Variants in ZC3H11A observed in about 807,000 individuals in gnomAD.
ZC3H11A encodes zinc finger CCCH-type containing 11A.
A neutral mutation model predicts 90.8 loss-of-function variants in ZC3H11A; 22 were observed. That is an observed-to-expected ratio of 0.24 (90% CI 0.17 to 0.35). The LOEUF (loss-of-function observed/expected upper bound fraction) is 0.35, where lower values mean the gene tolerates loss of function less well. ZC3H11A is among the 10% of genes least tolerant of loss of function. ZC3H11A has a pLI of 1.00. For synonymous variants in ZC3H11A, 294 were observed against 339.8 expected (o/e 0.87, Z 1.48); for missense variants, 701 against 964.9 (o/e 0.73, Z 3.62).
intron 12 of ZC3H11A, among the ~76,000 whole-genome samples, chr1:203,840,860 C>T (rs752917551): frequency 2.3e-4 from 35 of 152,090 alleles, no homozygotes; most frequent in Non-Finnish European, 3.1e-4. Flanking sequence ...TCTCAAACTC[C>T]TGACCTTAGG....
In ZC3H11A at chr1:203,799,850, C is replaced by T. The variant is rs1184225745; in HGVS notation, c.-1587-1725C>T. On this transcript the variant is annotated intron_variant, in intron 1 of 17. Transcript: ENST00000367210. ...CTTTGTTAGATCCTTGCTTTAAAAACAGTTTGGAAGACTTTTTTCCTCAAG... is the reference window on the plus strand; with the variant it reads ...CTTTGTTAGATCCTTGCTTTAAAAATAGTTTGGAAGACTTTTTTCCTCAAG... 2.6e-6 allele frequency: 4 copies of T among 1,528,708 alleles called. No individual in the cohort carries two copies. In the Admixed American group the frequency reaches 5.9e-5, roughly 22 times the overall value. The allele number at this position is 1,528,708 out of a possible 1,614,324, so 94.7% of individuals were successfully genotyped here. A position where few individuals can be genotyped will look rare whatever the true frequency, so the allele number is the denominator to read the frequency against.
intron 15 of ZC3H11A, 101 bp from the exon 16 acceptor site, chr1:203,850,414 T>A: frequency 6.8e-6 from 10 of 1,477,060 alleles, no homozygotes; most frequent in African/African-American, 1.4e-5. Context: ...TTATTTGTGG[T>A]ATTTCTAGTA....
chr1:203,824,651 G>A (rs1679901470), intron 4 of ZC3H11A, among the ~76,000 whole-genome samples: 1 of 151,950 alleles, frequency 6.6e-6, no homozygotes, highest in African/African-American at 2.4e-5. Flanking sequence ...GTAAACAAGT[G>A]TCCTTTTCAT....
chr1:203,800,218 C>G, intron 1 of ZC3H11A: 1 of 1,442,304 alleles, frequency 6.9e-7, no homozygotes, highest in Non-Finnish European at 9.4e-7. Flanking sequence ...CCGGCTTTGA[C>G]CCAGGTTGCC....
chr1:203,805,731 A>G (rs756288530), intron 2 of ZC3H11A: 7 of 665,736 alleles, frequency 1.1e-5, no homozygotes, highest in Non-Finnish European at 1.7e-5. Flanking sequence ...GCTCATCTAA[A>G]TAGAACTCTT....
rs562743516 is a variant in ZC3H11A at position 203,831,791 on chromosome 1, T to G, written c.811+20T>G. On this transcript the variant is annotated intron_variant, in intron 9 of 17. Transcript: ENST00000367210. ...AACAAGGTAAGGTATAGATAGGTCT[T>G]AGAGTTGTCAAGCCTCTACTTTTAT... is the stretch of plus-strand genomic sequence containing the variant. 5.9e-5 allele frequency: 93 copies of G among 1,586,296 alleles called. 3 individuals carry two copies. The South Asian group carries it at 9.3e-4, about 16-fold the overall frequency.
chr1:203,834,504 T>C (rs1683565609), intron 10 of ZC3H11A, among the ~76,000 whole-genome samples: 1 of 152,168 alleles, frequency 6.6e-6, no homozygotes, highest in South Asian at 2.1e-4. Flanking sequence ...ACTCCTGGGC[T>C]CAAGTGATCT....
At chr1:203,825,184 T>C (rs953446160) in intron 4 of ZC3H11A, among the ~76,000 whole-genome samples, 2 of 151,952 alleles carry the variant, frequency 1.3e-5, no homozygotes, top group African/African-American at 4.8e-5. Context: ...CAATATTAAA[T>C]GCACCCAAAA....
chr1:203,798,346 C>G (rs777550685), intron 1 of ZC3H11A: 1 of 1,535,678 alleles, frequency 6.5e-7, no homozygotes, highest in Non-Finnish European at 8.7e-7. Flanking sequence ...TTTTTTTACA[C>G]TGATCCTCAG....
intron 12 of ZC3H11A, among the ~76,000 whole-genome samples, chr1:203,843,085 A>G (rs1264348274): frequency 2.6e-5 from 4 of 152,218 alleles, no homozygotes; most frequent in Non-Finnish European, 5.9e-5. Context: ...ATAAAAAGGG[A>G]GTCCGATGTT....
intron 2 of ZC3H11A, among the ~76,000 whole-genome samples, chr1:203,810,127 G>GT (rs1186513766): frequency 3.3e-5 from 5 of 150,588 alleles, no homozygotes; most frequent in East Asian, 3.9e-4. Flanking sequence ...CTGGAGTGGT[G>GT]TTTTTTTTGT....
intron 11 of ZC3H11A, among the ~76,000 whole-genome samples, chr1:203,838,954 C>CAAAAA (rs59033094): frequency 8.2e-5 from 8 of 97,918 alleles, no homozygotes; most frequent in African/African-American, 3.4e-4. Context: ...GACTTCATCT[C>CAAAAA]AAAAAAAAAA....
chr1:203,850,480 C>G, intron 15 of ZC3H11A, 35 bp from the exon 16 acceptor site: 1 of 1,612,676 alleles, frequency 6.2e-7, no homozygotes, highest in Non-Finnish European at 8.5e-7. Flanking sequence ...AGAGTCTATT[C>G]TCACTGCTTA....
chr1:203,805,898 C>G (rs1045930030), intron 2 of ZC3H11A: 23 of 707,222 alleles, frequency 3.3e-5, no homozygotes, highest in Non-Finnish European at 5.0e-5. Context: ...TCAATCTGGT[C>G]AGTTTTCACT....
At chr1:203,820,421 C>T (rs1678173457) in intron 4 of ZC3H11A, among the ~76,000 whole-genome samples, 1 of 148,022 alleles carries the variant, frequency 6.8e-6, no homozygotes, top group Non-Finnish European at 1.5e-5. Context: ...TATTCCCCCT[C>T]ATTACTAAAT....
chr1:203,849,560 G>T (rs1688773433), intron 14 of ZC3H11A, 151 bp from the exon 15 acceptor site: 1 of 752,446 alleles, frequency 1.3e-6, no homozygotes, highest in Non-Finnish European at 2.3e-6. Context: ...CTTTAACAGG[G>T]TATTGTCTAT....
chr1:203,803,928 T>C (rs969440432), intron 2 of ZC3H11A, among the ~76,000 whole-genome samples: 1 of 152,106 alleles, frequency 6.6e-6, no homozygotes, highest in African/African-American at 2.4e-5. Context: ...TAAATAATGA[T>C]TCTAGATGAT....
chr1:203,822,681 C>G (rs182129136), intron 4 of ZC3H11A, among the ~76,000 whole-genome samples: 1 of 152,272 alleles, frequency 6.6e-6, no homozygotes, highest in Admixed American at 6.5e-5. Flanking sequence ...ATTGCTAACC[C>G]TGCTCAGGCT....
At chr1:203,800,307 C>T (rs1483440093) in intron 1 of ZC3H11A, 1 of 901,812 alleles carries the variant, frequency 1.1e-6, no homozygotes, top group Non-Finnish European at 1.8e-6. Context: ...TCATCCAAAA[C>T]AGATCATGAG....
Sources: allele counts gnomAD v4.1 joint callset (sites outside exome capture counted in the v4.1 genomes callset), GRCh38; gene constraint gnomAD v4.1.1; transcripts MANE v1.5; gene names NCBI Gene and HGNC (gene_info 2026-07-23, HGNC 2026-07-21).